The following KCNMA1 variants were observed in gnomAD, a reference collection of about 807,000 sequenced individuals.
KCNMA1 encodes Calcium-activated potassium channel subunit alpha-1.
A neutral mutation model predicts 140.0 loss-of-function variants in KCNMA1; 29 were observed. The ratio of observed to expected loss-of-function variants is 0.21; its 90% confidence interval spans 0.15 to 0.28. The LOEUF (loss-of-function observed/expected upper bound fraction) is 0.28. Ranked by LOEUF, KCNMA1 falls within the 10% of genes least tolerant of loss-of-function variation. The pLI, the probability that KCNMA1 is intolerant of heterozygous loss-of-function variation, is 1.00. For synonymous variants in KCNMA1, 612 were observed against 611.9 expected, an observed-to-expected ratio of 1.00 and a Z score of 0.00; for missense variants, 880 against 1,602.2, an observed-to-expected ratio of 0.55 and a Z score of 7.70.
chr10:76,918,645 T>C (rs2053976147), intron 23 of KCNMA1, among the ~76,000 whole-genome samples: 1 of 152,122 alleles, frequency 6.6e-6, no homozygotes, highest in Non-Finnish European at 1.5e-5. Flanking sequence ...CTGGCGGCAA[T>C]GTAAACTACT....
chr10:77,426,083 C>G (rs2096981901), intron 1 of KCNMA1, among the ~76,000 whole-genome samples: 1 of 152,202 alleles, frequency 6.6e-6, no homozygotes, highest in South Asian at 2.1e-4. Flanking sequence ...ATATTCATTC[C>G]TCATCTGTAA....
intron 14 of KCNMA1, among the ~76,000 whole-genome samples, chr10:77,044,549 T>C (rs1265242642): frequency 6.6e-6 from 1 of 152,116 alleles, no homozygotes; most frequent in East Asian, 1.9e-4. Context: ...CTCAGGAGGC[T>C]GAGGCAGGAG....
At chr10:77,113,612 C>T (rs1268948705) in intron 6 of KCNMA1, among the ~76,000 whole-genome samples, 5 of 152,032 alleles carry the variant, frequency 3.3e-5, no homozygotes, top group Non-Finnish European at 5.9e-5. Context: ...TACAGGCACC[C>T]GCCACCACGC....
intron 25 of KCNMA1, among the ~76,000 whole-genome samples, chr10:76,908,026 GA>G (rs913159142): frequency 5.3e-5 from 8 of 151,146 alleles, no homozygotes; most frequent in Non-Finnish European, 7.4e-5. Flanking sequence ...TTGTAGTTCT[GA>G]AAAAAAAATT....
At chr10:76,921,377 G>T (rs940906040) in intron 23 of KCNMA1, among the ~76,000 whole-genome samples, 4 of 152,122 alleles carry the variant, frequency 2.6e-5, no homozygotes, top group Non-Finnish European at 4.4e-5. Context: ...TCCTGTTAAT[G>T]CCAGGGAAAA....
chr10:76,914,351 T>C (rs891643087), intron 24 of KCNMA1: 16 of 560,526 alleles, frequency 2.9e-5, no homozygotes, highest in African/African-American at 2.6e-4. Context: ...GAAGTTAGAT[T>C]CTATTGTCCA....
chr10:77,526,745 G>A (rs1485759774), intron 1 of KCNMA1, among the ~76,000 whole-genome samples: 1 of 152,130 alleles, frequency 6.6e-6, no homozygotes, highest in East Asian at 1.9e-4. Flanking sequence ...ACCTGTGAAT[G>A]AATCCTTGAT....
At chr10:76,909,459 TC>T (rs2049175312) in intron 25 of KCNMA1, among the ~76,000 whole-genome samples, 1 of 152,120 alleles carries the variant, frequency 6.6e-6, no homozygotes, top group South Asian at 2.1e-4. Context: ...TAAGAAAAAG[TC>T]CAAAACCATG....
chr10:77,328,608 G>A (rs1028167020), intron 2 of KCNMA1, among the ~76,000 whole-genome samples: 1 of 152,210 alleles, frequency 6.6e-6, no homozygotes, highest in Non-Finnish European at 1.5e-5. Flanking sequence ...AAAGAGACAA[G>A]TGGACAAAGA....
chr10:77,084,338 C>T (rs2153751443), intron 12 of KCNMA1, among the ~76,000 whole-genome samples: 1 of 152,318 alleles, frequency 6.6e-6, no homozygotes, highest in Middle Eastern at 3.4e-3. Context: ...TTCAGGCCAG[C>T]ACCCATCTCA....
intron 19 of KCNMA1, among the ~76,000 whole-genome samples, chr10:76,992,720 A>G (rs750605159): frequency 6.6e-6 from 1 of 152,232 alleles, no homozygotes; most frequent in African/African-American, 2.4e-5. Flanking sequence ...AAATGCCACA[A>G]TCACGGATGC....
At chr10:76,941,053 G>GAGAA (rs1481372013) in intron 23 of KCNMA1, among the ~76,000 whole-genome samples, 1 of 55,156 alleles carries the variant, frequency 1.8e-5, no homozygotes, top group Non-Finnish European at 3.3e-5. Context: ...AAGAAAGAAA[G>GAGAA]AGAAAGAAAG....
chr10:77,225,568 C>T (rs1382240792), intron 3 of KCNMA1, among the ~76,000 whole-genome samples: 2 of 152,304 alleles, frequency 1.3e-5, no homozygotes, highest in East Asian at 1.9e-4. Flanking sequence ...CACAGGCCTG[C>T]GGAGTGCAGT....
At chr10:77,033,357 T>C (rs1474491882) in intron 15 of KCNMA1, among the ~76,000 whole-genome samples, 2 of 152,138 alleles carry the variant, frequency 1.3e-5, no homozygotes, top group Non-Finnish European at 2.9e-5. Context: ...TTTTTCTCTA[T>C]GAAGCTTTGA....
At chr10:77,462,991 T>C (rs2097907359) in intron 1 of KCNMA1, among the ~76,000 whole-genome samples, 1 of 152,172 alleles carries the variant, frequency 6.6e-6, no homozygotes, top group Non-Finnish European at 1.5e-5. Flanking sequence ...TCTTGACTTA[T>C]CTAGGGATGG....
At chr10:77,590,272 C>T (rs1052739788) in intron 1 of KCNMA1, among the ~76,000 whole-genome samples, 3 of 152,264 alleles carry the variant, frequency 2.0e-5, no homozygotes, top group Non-Finnish European at 4.4e-5. Flanking sequence ...AGTCCCGCGC[C>T]GTGCGCCCGC....
intron 1 of KCNMA1, among the ~76,000 whole-genome samples, chr10:77,562,288 AT>A (rs546117487): frequency 6.6e-6 from 1 of 152,184 alleles, no homozygotes; most frequent in Non-Finnish European, 1.5e-5. Flanking sequence ...GGATATTCAG[AT>A]TTTTTTTAGT....
intron 1 of KCNMA1, among the ~76,000 whole-genome samples, chr10:77,457,190 T>C (rs992953557): frequency 6.6e-6 from 1 of 152,132 alleles, no homozygotes; most frequent in Non-Finnish European, 1.5e-5. Context: ...CTGCTTGCTC[T>C]GAGACCCAGT....
At chr10:77,528,992 G>A (rs1357592630) in intron 1 of KCNMA1, among the ~76,000 whole-genome samples, 2 of 152,248 alleles carry the variant, frequency 1.3e-5, no homozygotes, top group African/African-American at 2.4e-5. Flanking sequence ...AGTGCTGGAC[G>A]GTTCTGGAAG....
Sources: allele counts gnomAD v4.1 joint callset (sites outside exome capture counted in the v4.1 genomes callset), GRCh38; gene constraint gnomAD v4.1.1; transcripts MANE v1.5; gene names NCBI Gene and HGNC (gene_info 2026-07-23, HGNC 2026-07-21).